POM121C: variants seen among roughly 807,000 people sequenced by gnomAD.
POM121C encodes nuclear envelope pore membrane protein POM 121C.
Under a neutral mutation model 66.4 loss-of-function variants are expected in POM121C, and 20 were observed. That is an observed-to-expected ratio of 0.30 (90% CI 0.21 to 0.44). The LOEUF (loss-of-function observed/expected upper bound fraction) is 0.44, where lower values mean the gene tolerates loss of function less well. Ranked by LOEUF, POM121C falls within the 20% of genes least tolerant of loss-of-function variation. The pLI, the probability that POM121C is intolerant of heterozygous loss-of-function variation, is 1.00. For synonymous variants in POM121C, 286 were observed against 528.0 expected (o/e 0.54, Z 6.28); for missense variants, 580 against 1,225.7 (o/e 0.47, Z 7.87).
chr7:75,448,015 C>T (rs1258595113), intron 3 of POM121C, among the ~76,000 whole-genome samples: 1 of 146,308 alleles, frequency 6.8e-6, no homozygotes, highest in Non-Finnish European at 1.5e-5. Context: ...CAGAGCTAGA[C>T]TCCGTCTCAA....
intron 7 of POM121C, among the ~76,000 whole-genome samples, chr7:75,432,182 C>T (rs1790208690): frequency 3.0e-5 from 1 of 33,408 alleles, no homozygotes; most frequent in African/African-American, 1.3e-4. Context: ...GAGAATCTGT[C>T]TCAAAAAAAA....
chr7:75,432,114 G>T (rs587638092), intron 7 of POM121C, among the ~76,000 whole-genome samples: 2 of 151,648 alleles, frequency 1.3e-5, no homozygotes, highest in Admixed American at 6.6e-5. Context: ...GAACCCAGGA[G>T]GTGGAGGTTG....
At chr7:75,471,353 C>T (rs1209221570) in intron 3 of POM121C, among the ~76,000 whole-genome samples, 8 of 152,042 alleles carry the variant, frequency 5.3e-5, no homozygotes, top group South Asian at 4.2e-4. Flanking sequence ...GGATTACAGG[C>T]GTGCACCACC....
rs587604278 is a variant in POM121C at position 75,467,822 on chromosome 7, A to AG, written c.-152+6881dup. Among the ~76,000 whole-genome samples the AG allele has an allele frequency of 8.9e-4, 136 of 152,148 alleles. 3 individuals are homozygous for AG. The South Asian group carries it at 0.027, about 31-fold the overall frequency. On this transcript the variant is annotated intron_variant, in intron 3 of 14. Transcript: ENST00000615331. ...CTACCTATGTGTGAGGAACTGTGCT[A>AG]GGGGGTATCAGAAACACACAAAATA...
chr7:75,428,892 A>G (rs1366277501), intron 7 of POM121C, among the ~76,000 whole-genome samples: 1 of 151,568 alleles, frequency 6.6e-6, no homozygotes, highest in African/African-American at 2.4e-5. Flanking sequence ...AGGTGGGAGG[A>G]TCACTTGAGC....
At position 75,434,671 on chromosome 7, in the gene POM121C, C is replaced by T. The variant is rs587647635; in HGVS notation, c.480+2844G>A. On this transcript the variant is annotated intron_variant, in intron 7 of 14. Coordinates refer to ENST00000615331, the MANE Select transcript of POM121C (RefSeq NM_001099415.3). ...TATCTCTGCTCACTGCAGCCTGTGC[C>T]TCCTGGGTTCCTGAGATTCTCCTGC... Among the ~76,000 whole-genome samples, 539 of 150,768 alleles carry T rather than the reference C, an allele frequency of 3.6e-3. 2 individuals are homozygous for T. The highest frequency in any genetic ancestry group is 0.012 in the African/African-American group (509 of 40,922).
At chr7:75,426,687 T>C (rs1163294424) in intron 7 of POM121C, among the ~76,000 whole-genome samples, 2 of 58,684 alleles carry the variant, frequency 3.4e-5, no homozygotes, top group Non-Finnish European at 6.1e-5. Context: ...AATTGAAAAA[T>C]CAGTTGGGTG....
intron 6 of POM121C, among the ~76,000 whole-genome samples, 168 bp from the exon 7 acceptor site, chr7:75,437,854 G>A (rs1554473236): frequency 1.3e-5 from 2 of 152,168 alleles, no homozygotes; most frequent in Non-Finnish European, 2.9e-5. Context: ...AGTAAGAAAA[G>A]CCAAATATTT....
chr7:75,433,196 C>T (rs1790251850), intron 7 of POM121C, among the ~76,000 whole-genome samples: 1 of 123,248 alleles, frequency 8.1e-6, no homozygotes, highest in African/African-American at 3.0e-5. Flanking sequence ...GATCGCACCG[C>T]TGCACTCTAG....
At chr7:75,424,930 A>G (rs1178671593) in intron 10 of POM121C, 144 bp downstream of exon 10, 34 of 1,472,956 alleles carry the variant, frequency 2.3e-5, no homozygotes, top group Non-Finnish European at 8.1e-6. Flanking sequence ...ACTGAACTCC[A>G]GCCTGGGTGA....
chr7:75,474,028 G>A (rs587618265), intron 3 of POM121C, among the ~76,000 whole-genome samples: 2 of 152,126 alleles, frequency 1.3e-5, no homozygotes, highest in African/African-American at 2.4e-5. Flanking sequence ...AAAGAAAATG[G>A]AAGATAAAAA....
At chr7:75,425,465 C>T in intron 9 of POM121C, 170 bp downstream of exon 9, 1 of 1,359,726 alleles carries the variant, frequency 7.4e-7, no homozygotes, top group Non-Finnish European at 9.9e-7. Context: ...TAGCCTTTCT[C>T]CCTCATCAGA....
chr7:75,452,238 A>ACT (rs1225162631), intron 3 of POM121C, among the ~76,000 whole-genome samples: 1 of 151,682 alleles, frequency 6.6e-6, no homozygotes, highest in African/African-American at 2.4e-5. Context: ...CAGGCGGATC[A>ACT]CCTGAGGTCA....
chr7:75,442,042 T>C lies in POM121C; in HGVS notation c.-151-395A>G, dbSNP rs1790670372. The C allele has an allele frequency of 6.0e-6, 7 of 1,170,134 alleles. No individual in the cohort carries two copies. The East Asian group carries it at 1.5e-4, about 24-fold the overall frequency. 72.5% of individuals were successfully genotyped at this position (1,170,134 alleles called of 1,614,324 possible). A position where few individuals can be genotyped will look rare whatever the true frequency, so the allele number is the denominator to read the frequency against. On this transcript the variant is annotated intron_variant, in intron 3 of 14. Coordinates refer to ENST00000615331, the MANE Select transcript of POM121C (RefSeq NM_001099415.3). Reference sequence around the variant, plus strand: ...TAAGGAGGGCAAAACCACACACAATTCCCTTCGGATTTGATGAAAATGCAA... The same window carrying C: ...TAAGGAGGGCAAAACCACACACAATCCCCTTCGGATTTGATGAAAATGCAA...
At chr7:75,442,690 T>G in intron 3 of POM121C, 4 of 1,404,946 alleles carry the variant, frequency 2.8e-6, no homozygotes, top group African/African-American at 1.5e-5. Context: ...GCCGCTCGCC[T>G]GCTCCAGCCG....
At chr7:75,476,158 G>A (rs1792066766) in intron 1 of POM121C, among the ~76,000 whole-genome samples, 1 of 152,164 alleles carries the variant, frequency 6.6e-6, no homozygotes, top group African/African-American at 2.4e-5. Flanking sequence ...GGGCATCATG[G>A]CACATGCCTG....
chr7:75,475,814 A>C (rs1792049814), intron 1 of POM121C, among the ~76,000 whole-genome samples: 1 of 152,122 alleles, frequency 6.6e-6, no homozygotes, highest in Non-Finnish European at 1.5e-5. Flanking sequence ...GTGCAGAATG[A>C]TTTAACAAAA....
At chr7:75,432,586 G>C (rs1335897766) in intron 7 of POM121C, among the ~76,000 whole-genome samples, 1 of 152,150 alleles carries the variant, frequency 6.6e-6, no homozygotes, top group Non-Finnish European at 1.5e-5. Flanking sequence ...TGATGAAAAT[G>C]TTTTATTACT....
At position 75,437,486 on chromosome 7, in the gene POM121C, C is replaced by T. The variant is rs781826205; in HGVS notation, c.480+29G>A. The T allele has an allele frequency of 1.2e-5, 19 of 1,584,724 alleles. 1 individual carries two copies. The East Asian group carries it at 1.4e-4, about 11-fold the overall frequency. ...ATGAATGAACGCTGGGAATTCATGC[C>T]CCCCACATTACAAGAGCTGTACTTG... On this transcript the variant is annotated intron_variant, in intron 7 of 14. Transcript: ENST00000615331.
Sources: gnomAD v4.1 joint callset for allele counts (sites outside exome capture counted in the v4.1 genomes callset) on GRCh38, gnomAD v4.1.1 for gene constraint, MANE v1.5 for transcripts, NCBI Gene and HGNC (gene_info 2026-07-23, HGNC 2026-07-21) for gene names.